The following SOX5 variants were observed in gnomAD, a reference collection of about 807,000 sequenced individuals.
SOX5 encodes the protein transcription factor SOX-5.
A neutral mutation model predicts 92.0 loss-of-function variants in SOX5; 9 were observed. The observed-to-expected ratio is 0.10, with a 90% CI of 0.06 to 0.17. SOX5 has a LOEUF of 0.17. SOX5 is among the 10% of genes least tolerant of loss of function. The pLI is 1.00. For synonymous variants in SOX5, 344 were observed against 336.3 expected, an observed-to-expected ratio of 1.02 and a Z score of -0.25; for missense variants, 642 against 944.5, an observed-to-expected ratio of 0.68 and a Z score of 4.20.
At chr12:24,316,921 C>T (rs1949746915) in intron 2 of SOX5, among the ~76,000 whole-genome samples, 1 of 152,060 alleles carries the variant, frequency 6.6e-6, no homozygotes. Context: ...AACTGGAAAG[C>T]TTTTTGTAGG....
At chr12:24,162,502 A>G (rs1293249200) in intron 4 of SOX5, among the ~76,000 whole-genome samples, 2 of 152,150 alleles carry the variant, frequency 1.3e-5, no homozygotes, top group East Asian at 1.9e-4. Flanking sequence ...TCTAAATGCC[A>G]TAGAGTAAGG....
chr12:24,464,392 G>T (rs970649328), intron 1 of SOX5, among the ~76,000 whole-genome samples: 6 of 150,838 alleles, frequency 4.0e-5, no homozygotes, highest in African/African-American at 1.5e-4. Context: ...GCACGATCTC[G>T]GCTCACTGCA....
At chr12:24,037,967 A>C (rs2136955453) in intron 4 of SOX5, among the ~76,000 whole-genome samples, 1 of 152,268 alleles carries the variant, frequency 6.6e-6, no homozygotes, top group East Asian at 1.9e-4. Context: ...ATCATGCATG[A>C]ATCATGCATG....
intron 9 of SOX5, chr12:23,584,749 A>G (rs12579341): frequency 6.2e-5 from 30 of 482,954 alleles, no homozygotes; most frequent in Non-Finnish European, 7.8e-5. Context: ...GTGTGTGTGT[A>G]TGTGTGTGTG....
intron 2 of SOX5, among the ~76,000 whole-genome samples, chr12:24,304,975 G>A (rs1436183514): frequency 6.6e-6 from 1 of 152,046 alleles, no homozygotes; most frequent in Non-Finnish European, 1.5e-5. Flanking sequence ...GAATAACCTA[G>A]GGGCACCCTC....
intron 2 of SOX5, among the ~76,000 whole-genome samples, chr12:24,282,477 A>G (rs982550855): frequency 9.2e-5 from 14 of 151,966 alleles, no homozygotes; most frequent in Non-Finnish European, 2.1e-4. Context: ...ATCTCAAAAC[A>G]ATGCGAGAAT....
chr12:23,952,058 A>G (rs1464961645), upstream of SOX5, among the ~76,000 whole-genome samples: 1 of 152,190 alleles, frequency 6.6e-6, no homozygotes. Flanking sequence ...AGGGTATAGT[A>G]GCTGCATAGC....
At chr12:23,686,084 A>C (rs2139916107) in intron 6 of SOX5, among the ~76,000 whole-genome samples, 1 of 152,326 alleles carries the variant, frequency 6.6e-6, no homozygotes, top group Middle Eastern at 3.4e-3. Flanking sequence ...CTAATTCTTT[A>C]ATCCAGGTAA....
At chr12:23,936,081 C>T (rs1375483173) in intron 1 of SOX5, among the ~76,000 whole-genome samples, 1 of 150,964 alleles carries the variant, frequency 6.6e-6, no homozygotes, top group Non-Finnish European at 1.5e-5. Flanking sequence ...CAATTTATAA[C>T]AGAGTCTGGC....
intron 9 of SOX5, chr12:23,584,592 A>G (rs545270904): frequency 1.2e-6 from 2 of 1,609,288 alleles, no homozygotes; most frequent in Admixed American, 3.3e-5. Flanking sequence ...AGTCTGGTGA[A>G]CCCACTATAA....
chr12:24,050,038 G>A (rs1217877377), intron 4 of SOX5, among the ~76,000 whole-genome samples: 6 of 116,706 alleles, frequency 5.1e-5, no homozygotes. Context: ...ATGAGTTTAA[G>A]ATTCTTATTT....
intron 3 of SOX5, among the ~76,000 whole-genome samples, chr12:23,807,705 A>G (rs1020432121): frequency 1.3e-5 from 2 of 150,752 alleles, no homozygotes; most frequent in Non-Finnish European, 2.9e-5. Context: ...CAGTGGCACA[A>G]TCTCGGCTCA....
chr12:23,623,704 A>G (rs1220404466), intron 8 of SOX5, among the ~76,000 whole-genome samples: 1 of 152,164 alleles, frequency 6.6e-6, no homozygotes, highest in Non-Finnish European at 1.5e-5. Context: ...ACAAAAATAT[A>G]CTCAACCACT....
chr12:23,891,824 A>C (rs371428256), intron 2 of SOX5, among the ~76,000 whole-genome samples: 1 of 152,200 alleles, frequency 6.6e-6, no homozygotes. Flanking sequence ...ATACATGAGT[A>C]AAATGTATCT....
chr12:24,536,930 T>C (rs1186716039), intron 1 of SOX5, among the ~76,000 whole-genome samples: 1 of 152,172 alleles, frequency 6.6e-6, no homozygotes, highest in African/African-American at 2.4e-5. Context: ...TCGGGTTCCT[T>C]TCTGATTCAA....
rs144106251 is a variant in SOX5 at position 24,046,138 on chromosome 12, G to A, written c.-1-150114C>T. 7.0e-3 allele frequency among the ~76,000 whole-genome samples: 1,061 copies of A among 152,280 alleles called. 12 individuals are homozygous for A. The highest frequency in any genetic ancestry group is 7.3e-3 in the Admixed American group (112 of 15,302). ...CTGGTGTTACTTCACTCTAAATAAC[G>A]TGACTTTGTGCTCACAGTCTGCCCA... On this transcript the variant is annotated intron_variant, in intron 4 of 4. Coordinates refer to the SOX5 transcript ENST00000446891.
chr12:24,021,575 A>G (rs1954299129), intron 4 of SOX5, among the ~76,000 whole-genome samples: 2 of 152,202 alleles, frequency 1.3e-5, no homozygotes, highest in African/African-American at 4.8e-5. Context: ...ATTGTAGCAA[A>G]CTAGATAGTT....
intron 2 of SOX5, among the ~76,000 whole-genome samples, chr12:24,315,145 T>G (rs994299198): frequency 1.3e-5 from 2 of 152,190 alleles, no homozygotes; most frequent in Non-Finnish European, 2.9e-5. Context: ...TCTTCCCTCT[T>G]CACCTCTGCA....
At chr12:23,833,006 G>C (rs916556956) in intron 3 of SOX5, among the ~76,000 whole-genome samples, 2 of 151,904 alleles carry the variant, frequency 1.3e-5, no homozygotes, top group African/African-American at 4.8e-5. Flanking sequence ...CTCAAACACT[G>C]AATACTAACA....
Sources: allele counts gnomAD v4.1 joint callset (sites outside exome capture counted in the v4.1 genomes callset), GRCh38; gene constraint gnomAD v4.1.1; transcripts MANE v1.5; gene names NCBI Gene and HGNC (gene_info 2026-07-23, HGNC 2026-07-21).